The following MGMT variants were observed in gnomAD, a reference collection of about 807,000 sequenced individuals.
The protein encoded by MGMT is methylated-DNA--protein-cysteine methyltransferase.
A neutral mutation model predicts 15.9 loss-of-function variants in MGMT; 14 were observed. The observed-to-expected ratio is 0.88, with a 90% CI of 0.58 to 1.37. The LOEUF (loss-of-function observed/expected upper bound fraction) is 1.37. Ranked by LOEUF, MGMT falls within the 40% of genes most tolerant of loss-of-function variation. The pLI is 0.00. For missense variants in MGMT, 282 were observed against 268.1 expected (o/e 1.05, Z -0.36); for synonymous variants, 130 against 118.2 (o/e 1.10, Z -0.65).
chr10:129,596,808 G>T (rs1428190557), intron 2 of MGMT, among the ~76,000 whole-genome samples: 1 of 152,200 alleles, frequency 6.6e-6, no homozygotes, highest in African/African-American at 2.4e-5. Flanking sequence ...TCAGCTTCTT[G>T]CATTGAGTCT....
intron 2 of MGMT, among the ~76,000 whole-genome samples, chr10:129,555,752 G>T (rs1846206394): frequency 6.6e-6 from 1 of 152,132 alleles, no homozygotes; most frequent in Non-Finnish European, 1.5e-5. Context: ...GATCCTGTAA[G>T]TGAAGGGTTA....
intron 2 of MGMT, among the ~76,000 whole-genome samples, chr10:129,607,796 G>A (rs562235712): frequency 1.9e-4 from 29 of 152,192 alleles, no homozygotes; most frequent in Non-Finnish European, 2.2e-4. Flanking sequence ...TATATCTGAT[G>A]TTGCAATACT....
At chr10:129,487,459 T>G (rs557060578) in intron 1 of MGMT, among the ~76,000 whole-genome samples, 4 of 152,266 alleles carry the variant, frequency 2.6e-5, no homozygotes, top group African/African-American at 9.6e-5. Context: ...ATATACACTA[T>G]ATTATCATTA....
intron 1 of MGMT, among the ~76,000 whole-genome samples, chr10:129,487,935 G>GTGTGTA (rs1554902747): frequency 3.5e-5 from 5 of 144,148 alleles, no homozygotes; most frequent in African/African-American, 1.3e-4. Context: ...GTGTGTGTGT[G>GTGTGTA]TATATATATA....
At chr10:129,730,470 G>C (rs1458785640) in intron 3 of MGMT, among the ~76,000 whole-genome samples, 1 of 152,204 alleles carries the variant, frequency 6.6e-6, no homozygotes, top group Non-Finnish European at 1.5e-5. Flanking sequence ...AGGCTGGGGA[G>C]GAATCAGAGC....
At position 129,486,166 on chromosome 10, in the gene MGMT, T is replaced by C. The variant is rs999544337; in HGVS notation, c.-13+18870T>C. On this transcript the variant is annotated intron_variant, in intron 1 of 4. Transcript: ENST00000651593. ...GGTGTGGTTCTGTTCTTCTCTGTTC[T>C]CTTCTCTTCTCTTTTTTTTTTTTTT... Among the ~76,000 whole-genome samples, 3 of 143,186 alleles carry C rather than the reference T, an allele frequency of 2.1e-5. No individual in the cohort carries two copies. In the East Asian group the frequency reaches 6.1e-4, roughly 29 times the overall value. 93.9% of individuals were successfully genotyped at this position (143,186 alleles called of 152,430 possible).
intron 2 of MGMT, among the ~76,000 whole-genome samples, chr10:129,585,521 T>A (rs1474133666): frequency 4.6e-5 from 7 of 152,324 alleles, no homozygotes; most frequent in South Asian, 2.1e-4. Flanking sequence ...AAGCCTCTTA[T>A]ATAAAATGGC....
intron 1 of MGMT, among the ~76,000 whole-genome samples, chr10:129,506,383 C>T (rs1354665470): frequency 3.9e-5 from 6 of 152,192 alleles, no homozygotes; most frequent in African/African-American, 1.4e-4. Flanking sequence ...CATCTTGGAC[C>T]CCTTCTTCTG....
chr10:129,595,191 C>T (rs914050288), intron 2 of MGMT, among the ~76,000 whole-genome samples: 2 of 152,154 alleles, frequency 1.3e-5, no homozygotes, highest in African/African-American at 2.4e-5. Flanking sequence ...AAGAGGCATC[C>T]AGAATTCTCC....
chr10:129,485,403 C>A (rs1008153131), intron 1 of MGMT, among the ~76,000 whole-genome samples: 1 of 152,200 alleles, frequency 6.6e-6, no homozygotes, highest in Admixed American at 6.5e-5. Flanking sequence ...CGTTCTCTGG[C>A]GGCTGGCTCA....
intron 2 of MGMT, among the ~76,000 whole-genome samples, chr10:129,569,598 G>A (rs1410174894): frequency 6.6e-6 from 1 of 152,162 alleles, no homozygotes; most frequent in Admixed American, 6.5e-5. Flanking sequence ...CTTGGGTGAT[G>A]CCCAGAATCC....
At position 129,758,364 on chromosome 10, in the gene MGMT, G is replaced by A. The variant is rs368870242; in HGVS notation, c.275-838G>A. ...GAGGGGCTGGAGCCCCTGCGATGGA[G>A]GACATGGCTCTGTCTCCAGTGCTCC... On this transcript the variant is annotated intron_variant, in intron 3 of 4. Coordinates refer to ENST00000651593, the MANE Select transcript of MGMT (RefSeq NM_002412.5). Among the ~76,000 whole-genome samples, 13 of 152,212 alleles carry A rather than the reference G, an allele frequency of 8.5e-5. No homozygotes were observed. The East Asian group carries it at 1.4e-3, about 16-fold the overall frequency.
intron 3 of MGMT, among the ~76,000 whole-genome samples, chr10:129,723,072 T>G (rs1346040817): frequency 2.0e-5 from 3 of 151,950 alleles, no homozygotes; most frequent in African/African-American, 7.3e-5. Flanking sequence ...GATATCCATT[T>G]TTTTTTCCAT....
intron 2 of MGMT, among the ~76,000 whole-genome samples, chr10:129,605,037 T>G (rs1180492400): frequency 6.6e-6 from 1 of 152,186 alleles, no homozygotes; most frequent in Non-Finnish European, 1.5e-5. Context: ...TTTACCAAAT[T>G]AAACATGAAC....
At chr10:129,576,400 T>G (rs1825407484) in intron 2 of MGMT, among the ~76,000 whole-genome samples, 1 of 152,228 alleles carries the variant, frequency 6.6e-6, no homozygotes, top group Admixed American at 6.5e-5. Flanking sequence ...TCAATAAATG[T>G]AATCCAGCAT....
At chr10:129,540,839 C>G (rs1198904511) in intron 2 of MGMT, among the ~76,000 whole-genome samples, 1 of 152,126 alleles carries the variant, frequency 6.6e-6, no homozygotes, top group African/African-American at 2.4e-5. Flanking sequence ...GTGAAGCTTC[C>G]TGGTTTAGTA....
At chr10:129,662,832 G>A (rs1280592181) in intron 2 of MGMT, among the ~76,000 whole-genome samples, 1 of 152,150 alleles carries the variant, frequency 6.6e-6, no homozygotes, top group Admixed American at 6.6e-5. Context: ...AGAGACAGAT[G>A]AGAACACCTT....
intron 2 of MGMT, among the ~76,000 whole-genome samples, chr10:129,673,682 T>C (rs535872246): frequency 6.6e-6 from 1 of 152,304 alleles, no homozygotes; most frequent in African/African-American, 2.4e-5. Context: ...CTGGATCTAT[T>C]AGTTGAAGAA....
chr10:129,652,527 T>A (rs572231535), intron 2 of MGMT, among the ~76,000 whole-genome samples: 1 of 152,322 alleles, frequency 6.6e-6, no homozygotes. Flanking sequence ...GAGAGCAGAC[T>A]TCAGAGCTGA....
Sources: gnomAD v4.1 joint callset for allele counts (sites outside exome capture counted in the v4.1 genomes callset) on GRCh38, gnomAD v4.1.1 for gene constraint, MANE v1.5 for transcripts, NCBI Gene and HGNC (gene_info 2026-07-23, HGNC 2026-07-21) for gene names.